Variants in PDZRN4 observed in about 807,000 individuals in gnomAD.
PDZRN4 encodes PDZ domain containing ring finger 4, also known as PDZ domain-containing RING finger protein 4.
Under a neutral mutation model 99.0 loss-of-function variants are expected in PDZRN4, and 70 were observed. That is an observed-to-expected ratio of 0.71 (90% CI 0.58 to 0.86). The LOEUF (loss-of-function observed/expected upper bound fraction) is 0.86. Ranked by LOEUF, PDZRN4 falls within the 40% of genes least tolerant of loss-of-function variation. The probability of loss-of-function intolerance (pLI) is 0.00; values close to 1 mark genes in which losing one functional copy is unlikely to be tolerated. For missense variants in PDZRN4, 1,474 were observed against 1,331.2 expected, an observed-to-expected ratio of 1.11 and a Z score of -1.67; for synonymous variants, 551 against 501.6, an observed-to-expected ratio of 1.10 and a Z score of -1.32.
chr12:41,410,932 A>G (rs563603750), intron 3 of PDZRN4, among the ~76,000 whole-genome samples: 18 of 152,180 alleles, frequency 1.2e-4, no homozygotes, highest in Admixed American at 6.5e-4. Flanking sequence ...TGGATGGAGT[A>G]CAGTGGTGTG....
At chr12:41,409,036 T>C (rs1952371964) in intron 3 of PDZRN4, among the ~76,000 whole-genome samples, 1 of 152,170 alleles carries the variant, frequency 6.6e-6, no homozygotes, top group Admixed American at 6.6e-5. Flanking sequence ...AAACTATTAC[T>C]GTTATGGAAT....
chr12:41,414,682 T>C (rs1952428854), intron 3 of PDZRN4, among the ~76,000 whole-genome samples: 1 of 152,076 alleles, frequency 6.6e-6, no homozygotes, highest in African/African-American at 2.4e-5. Flanking sequence ...AAGAGCTTAC[T>C]TAGTGAAGCA....
intron 3 of PDZRN4, among the ~76,000 whole-genome samples, chr12:41,233,100 A>C (rs2120761131): frequency 6.6e-6 from 1 of 152,214 alleles, no homozygotes; most frequent in Admixed American, 6.5e-5. Context: ...AAATAAAAAA[A>C]CAAACAACCC....
At chr12:41,287,164 A>G (rs1951427572) in intron 3 of PDZRN4, among the ~76,000 whole-genome samples, 1 of 152,206 alleles carries the variant, frequency 6.6e-6, no homozygotes. Context: ...AAACTCCAGA[A>G]AGTTCACTTG....
chr12:41,493,545 T>C (rs1289494671), intron 3 of PDZRN4, among the ~76,000 whole-genome samples: 1 of 152,182 alleles, frequency 6.6e-6, no homozygotes, highest in Admixed American at 6.5e-5. Flanking sequence ...TAGTGTCATG[T>C]AAAACATGGT....
chr12:41,244,456 T>C (rs1484544464), intron 3 of PDZRN4, among the ~76,000 whole-genome samples: 2 of 152,134 alleles, frequency 1.3e-5, no homozygotes, highest in African/African-American at 4.8e-5. Flanking sequence ...CTCAGTAAAA[T>C]CCGAAGTTCT....
intron 3 of PDZRN4, among the ~76,000 whole-genome samples, chr12:41,311,282 T>C (rs969958442): frequency 2.1e-5 from 3 of 144,154 alleles, no homozygotes; most frequent in Non-Finnish European, 4.6e-5. Flanking sequence ...TTTTTTTTTT[T>C]CAGAAAAAAA....
At position 41,380,064 on chromosome 12, in the gene PDZRN4, G is replaced by T. The variant is rs183537554; in HGVS notation, c.844-126392G>T. Among the ~76,000 whole-genome samples, 279 of 151,882 alleles carry T rather than the reference G, an allele frequency of 1.8e-3. 1 individual carries two copies. Among genetic ancestry groups the T allele is most frequent in the African/African-American group, 6.6e-3 (274 of 41,456 alleles). ...CGTATTTCAATTGTTATATCTTTTT[G>T]ATGAATTCACCTCTTTAATATTATA... On this transcript the variant is annotated intron_variant, in intron 3 of 9. Transcript: ENST00000402685.
intron 3 of PDZRN4, among the ~76,000 whole-genome samples, chr12:41,500,993 A>G (rs972963274): frequency 2.0e-5 from 3 of 152,148 alleles, no homozygotes; most frequent in African/African-American, 7.2e-5. Flanking sequence ...TTCCACAGTT[A>G]CTAGTGAGGG....
intron 3 of PDZRN4, among the ~76,000 whole-genome samples, chr12:41,230,123 T>C (rs1008886044): frequency 6.6e-6 from 1 of 151,974 alleles, no homozygotes; most frequent in South Asian, 2.1e-4. Context: ...ACATTGCTGC[T>C]GGGGAGGGCA....
At chr12:41,379,822 G>T (rs1474407778) in intron 3 of PDZRN4, among the ~76,000 whole-genome samples, 1 of 151,814 alleles carries the variant, frequency 6.6e-6, no homozygotes, top group African/African-American at 2.4e-5. Flanking sequence ...TGTGTATTTT[G>T]CTTCTGTTGG....
At chr12:41,290,566 G>GAT (rs1421248837) in intron 3 of PDZRN4, among the ~76,000 whole-genome samples, 8 of 151,970 alleles carry the variant, frequency 5.3e-5, no homozygotes, top group East Asian at 1.9e-4. Context: ...CACACATTCT[G>GAT]ATATATATAT....
In PDZRN4 at chr12:41,572,420, C is replaced by A; in HGVS notation, c.1641C>A (p.Asn547Lys). 6.2e-7 allele frequency: 1 copy of A among 1,614,080 alleles called. No homozygotes were observed. The highest frequency in any genetic ancestry group is 8.5e-7 in the Non-Finnish European group (1 of 1,179,974). ...GTTDTATSSS[N>K]NHEKDSGVGR... is the part of the protein sequence containing the mutation. Reference sequence around the variant, plus strand: ...CAGACACTGCAACATCCTCATCCAACAACCATGAGAAGGACAGTGGAGTAG... The same window carrying A: ...CAGACACTGCAACATCCTCATCCAAAAACCATGAGAAGGACAGTGGAGTAG... Residue 547 changes from asparagine (N) to lysine (K), a missense_variant, in exon 10 of 10, where the codon AAC (asparagine) becomes AAA (lysine). Coordinates refer to ENST00000402685, the MANE Select transcript of PDZRN4 (RefSeq NM_001164595.2).
At chr12:41,446,038 T>C (rs537781396) in intron 3 of PDZRN4, among the ~76,000 whole-genome samples, 4 of 152,156 alleles carry the variant, frequency 2.6e-5, no homozygotes, top group Admixed American at 1.3e-4. Context: ...AAAGGGTTAT[T>C]ATGAATACTT....
chr12:41,510,872 C>G (rs1027818849), intron 5 of PDZRN4, among the ~76,000 whole-genome samples: 4 of 152,044 alleles, frequency 2.6e-5, no homozygotes, highest in Non-Finnish European at 5.9e-5. Context: ...TCTTTGCAGC[C>G]AAAATTTAGA....
chr12:41,317,634 C>G (rs919803166), intron 3 of PDZRN4, among the ~76,000 whole-genome samples: 5 of 152,074 alleles, frequency 3.3e-5, no homozygotes, highest in African/African-American at 1.2e-4. Context: ...TATTTTAACT[C>G]AAATTTTGCT....
Position 41,295,235 on chromosome 12 carries a change from A to T in PDZRN4, c.843+101047A>T, listed in dbSNP as rs183718864. On this transcript the variant is annotated intron_variant, in intron 3 of 9. Transcript: ENST00000402685. ...TCACCTGAAGGTGTACTCTGGCCAA[A>T]CCATCATGAAAATTAAAAAAAGGAT... Among the ~76,000 whole-genome samples, 144 of 152,234 alleles carry T rather than the reference A, an allele frequency of 9.5e-4. 1 individual carries two copies. Among genetic ancestry groups the T allele is most frequent in the African/African-American group, 3.4e-3 (141 of 41,542 alleles).
At chr12:41,238,058 A>G (rs1356916469) in intron 3 of PDZRN4, among the ~76,000 whole-genome samples, 1 of 152,072 alleles carries the variant, frequency 6.6e-6, no homozygotes, top group African/African-American at 2.4e-5. Context: ...GATTACTTTG[A>G]GCAGTACAGC....
At chr12:41,191,655 G>A (rs759704004) in intron 2 of PDZRN4, 111 bp downstream of exon 2, 108 of 543,046 alleles carry the variant, frequency 2.0e-4, no homozygotes, top group Non-Finnish European at 1.1e-4. Flanking sequence ...TGGATTTTGA[G>A]TAAGAAAAAC....
Sources: gnomAD v4.1 joint callset for allele counts (sites outside exome capture counted in the v4.1 genomes callset) on GRCh38, gnomAD v4.1.1 for gene constraint, MANE v1.5 for transcripts, NCBI Gene and HGNC (gene_info 2026-07-23, HGNC 2026-07-21) for gene names.